The following HM13 variants were observed in gnomAD, a reference collection of about 807,000 sequenced individuals.
The protein encoded by HM13 is histocompatibility minor 13, also known as signal peptide peptidase.
Under a neutral mutation model 50.0 loss-of-function variants are expected in HM13, and 18 were observed. The ratio of observed to expected loss-of-function variants is 0.36; its 90% CI spans 0.25 to 0.53. HM13 has a LOEUF of 0.53. HM13 is among the 20% of genes least tolerant of loss of function. HM13 has a pLI of 0.90. For missense variants in HM13, 393 were observed against 552.4 expected (o/e 0.71, Z 2.89); for synonymous variants, 197 against 232.6 (o/e 0.85, Z 1.39).
intron 1 of HM13, among the ~76,000 whole-genome samples, chr20:31,523,661 G>T (rs1982315629): frequency 6.6e-6 from 1 of 152,178 alleles, no homozygotes; most frequent in South Asian, 2.1e-4. Flanking sequence ...TCAAGATCAG[G>T]AACTCATTTT....
In HM13 at chr20:31,538,278, C is replaced by G. The variant is rs745684268; in HGVS notation, c.365+17C>G. Reference sequence around the variant, plus strand: ...CACCATCAGGTCAGAAGGCATCTCTCTGCAACATTTGAAGCAGCTTTCTCG... The same window carrying G: ...CACCATCAGGTCAGAAGGCATCTCTGTGCAACATTTGAAGCAGCTTTCTCG... On this transcript the variant is annotated intron_variant, in intron 3 of 12. Coordinates refer to ENST00000398174, the MANE Select transcript of HM13 (RefSeq NM_178581.3). The G allele has an allele frequency of 1.2e-6, 2 of 1,614,218 alleles. No homozygotes were observed. The highest frequency in any genetic ancestry group is 1.3e-5 in the African/African-American group (1 of 75,068).
chr20:31,547,450 G>A (rs765395600), intron 4 of HM13: 4 of 566,854 alleles, frequency 7.1e-6, no homozygotes, highest in Non-Finnish European at 1.3e-5. Context: ...GGACTCCACC[G>A]GAGCCTTGCC....
Position 31,566,678 on chromosome 20 carries a change from CA to C in HM13, c.1034+384del, listed in dbSNP as rs200613875. ...CAGTTTTCACATGTGAGTAATAGAA[CA>C]GGGGGCGTGTGGGATGCCCTAGTGT... On this transcript the variant is annotated intron_variant, in intron 11 of 12. Transcript: ENST00000398174. 9.3e-3 allele frequency among the ~76,000 whole-genome samples: 1,413 copies of C among 152,218 alleles called. 17 individuals are homozygous for C. The highest frequency in any genetic ancestry group is 0.032 in the African/African-American group (1,341 of 41,534).
chr20:31,556,012 A>G (rs967086544), intron 8 of HM13, among the ~76,000 whole-genome samples: 6 of 150,296 alleles, frequency 4.0e-5, no homozygotes, highest in Non-Finnish European at 7.4e-5. Context: ...GAGACCATAT[A>G]TATATATAAA....
chr20:31,534,787 A>C (rs921340546), intron 2 of HM13, among the ~76,000 whole-genome samples: 27 of 151,502 alleles, frequency 1.8e-4, no homozygotes, highest in Non-Finnish European at 3.7e-4. Context: ...GTTTCGAAAG[A>C]AAAAAAAGAA....
intron 12 of HM13, among the ~76,000 whole-genome samples, chr20:31,568,886 T>C (rs1985093020): frequency 1.3e-5 from 2 of 152,194 alleles, no homozygotes; most frequent in South Asian, 4.1e-4. Flanking sequence ...GCTGCTGCCC[T>C]TGCTGCCTCC....
intron 1 of HM13, among the ~76,000 whole-genome samples, chr20:31,521,413 A>G (rs1982149181): frequency 6.6e-6 from 1 of 152,082 alleles, no homozygotes; most frequent in Admixed American, 6.6e-5. Flanking sequence ...CCGCTTCCTC[A>G]TCTGTAAAAG....
intron 4 of HM13, 27 bp downstream of exon 4, chr20:31,545,062 G>A (rs376719172): frequency 2.3e-5 from 36 of 1,567,236 alleles, no homozygotes; most frequent in Non-Finnish European, 2.9e-5. Flanking sequence ...TTCCCCTGTA[G>A]TGTGCCTTGG....
At chr20:31,519,769 C>T (rs1982036660) in intron 1 of HM13, among the ~76,000 whole-genome samples, 1 of 151,622 alleles carries the variant, frequency 6.6e-6, no homozygotes, top group African/African-American at 2.4e-5. Flanking sequence ...TAACATTATA[C>T]ATTTTTATTT....
intron 9 of HM13, 105 bp from the exon 10 acceptor site, chr20:31,561,528 AC>A: frequency 2.4e-5 from 18 of 762,400 alleles, no homozygotes; most frequent in Non-Finnish European, 2.8e-5. Context: ...GAGCTCAGTC[AC>A]CCCCCCACAA....
At chr20:31,545,139 G>A (rs771226635) in intron 4 of HM13, 104 bp downstream of exon 4, 697 of 867,550 alleles carry the variant, frequency 8.0e-4, no homozygotes, top group Non-Finnish European at 9.7e-4. Flanking sequence ...AACTGATGAA[G>A]TGGGCTCTGG....
At chr20:31,526,205 A>G (rs370044599) in intron 1 of HM13, among the ~76,000 whole-genome samples, 19 of 150,772 alleles carry the variant, frequency 1.3e-4, no homozygotes, top group African/African-American at 4.6e-4. Flanking sequence ...CTCCCAGGCT[A>G]GAGTGTTCAG....
intron 10 of HM13, 57 bp from the exon 11 acceptor site, chr20:31,566,153 C>CGGCCCTGAGGCAGTGCCGGGCAA: frequency 7.4e-7 from 1 of 1,350,606 alleles, no homozygotes; most frequent in East Asian, 2.3e-5. Flanking sequence ...GTGCTGGGCA[C>CGGCCCTGAGGCAGTGCCGGGCAA]GGCCCTGAGG....
chr20:31,523,076 A>C (rs1982273157), intron 1 of HM13, among the ~76,000 whole-genome samples: 1 of 147,002 alleles, frequency 6.8e-6, no homozygotes, highest in African/African-American at 2.6e-5. Flanking sequence ...TATGAGACAG[A>C]GTCTCGCTCT....
At chr20:31,515,125 C>T (rs1310272423) in intron 1 of HM13, among the ~76,000 whole-genome samples, 3 of 152,120 alleles carry the variant, frequency 2.0e-5, no homozygotes, top group Non-Finnish European at 2.9e-5. Context: ...GGATACTGGT[C>T]CTCACAACTT....
intron 3 of HM13, chr20:31,538,762 A>ATC (rs1983265889): frequency 1.8e-6 from 1 of 544,794 alleles, no homozygotes. Flanking sequence ...AAGTTACTTA[A>ATC]TCTCTCTGGC....
intron 11 of HM13, chr20:31,567,796 G>A: frequency 5.4e-6 from 2 of 370,752 alleles, no homozygotes; most frequent in Non-Finnish European, 9.6e-6. Context: ...TCTGCACATT[G>A]GGTTTCTACG....
At position 31,514,503 on chromosome 20, in the gene HM13, C is replaced by T. The variant is rs111747661; in HGVS notation, c.-49C>T. 1.4e-3 allele frequency: 2,230 copies of T among 1,568,288 alleles called. 24 individuals carry two copies. In the African/African-American group the frequency reaches 0.027, roughly 19 times the overall value. On this transcript the variant is annotated 5_prime_UTR_variant, in exon 1 of 13. Coordinates refer to ENST00000398174, the MANE Select transcript of HM13 (RefSeq NM_178581.3). This position sits in a 1 kb window ranked among gnomAD's most constrained non-coding sequence, Gnocchi z 4.3. ...CAGAGCCGGTGTCTCCGCCTGCGTCCCTGCTGCAGCAACCGGAGCTGGAGT... is the reference window on the plus strand; with the variant it reads ...CAGAGCCGGTGTCTCCGCCTGCGTCTCTGCTGCAGCAACCGGAGCTGGAGT...
At chr20:31,527,800 GT>G in intron 2 of HM13, 1 of 499,924 alleles carries the variant, frequency 2.0e-6, no homozygotes, top group Admixed American at 3.8e-5. Flanking sequence ...GTAGCTTTTT[GT>G]TTTGTTTTTG....
Sources: allele counts gnomAD v4.1 joint callset (sites outside exome capture counted in the v4.1 genomes callset), GRCh38; gene constraint gnomAD v4.1.1; non-coding constraint Gnocchi (gnomAD v3.1); transcripts MANE v1.5; gene names NCBI Gene and HGNC (gene_info 2026-07-23, HGNC 2026-07-21).